Variants in LUC7L3 observed in about 807,000 individuals in gnomAD.
LUC7L3 encodes the protein luc7-like protein 3.
A neutral mutation model predicts 66.8 loss-of-function variants in LUC7L3; 6 were observed. The ratio of observed to expected loss-of-function variants is 0.09; its 90% CI spans 0.05 to 0.18. The LOEUF is 0.18. LUC7L3 is among the 10% of genes least tolerant of loss of function. The pLI is 1.00. For missense variants in LUC7L3, 341 were observed against 531.1 expected, an observed-to-expected ratio of 0.64 and a Z score of 3.52; for synonymous variants, 160 against 174.7, an observed-to-expected ratio of 0.92 and a Z score of 0.66.
At chr17:50,733,695 CAGTAAT>C (rs1320198960) in intron 1 of LUC7L3, among the ~76,000 whole-genome samples, 1 of 152,152 alleles carries the variant, frequency 6.6e-6, no homozygotes, top group Admixed American at 6.5e-5. Context: ...AGCCAGTTCA[CAGTAAT>C]AGTAAGACTT....
chr17:50,729,899 TA>T (rs1969454865), intron 1 of LUC7L3, among the ~76,000 whole-genome samples: 652 of 14,184 alleles, frequency 0.046, 20 homozygotes, highest in Non-Finnish European at 0.077. Context: ...AAATACATTA[TA>T]TATATATATA....
chr17:50,736,565 G>C, intron 1 of LUC7L3: 1 of 180,778 alleles, frequency 5.5e-6, no homozygotes, highest in South Asian at 1.1e-4. Context: ...CTGTGATTTA[G>C]ATGGTTATTT....
chr17:50,733,375 G>T (rs1969755099), intron 1 of LUC7L3, among the ~76,000 whole-genome samples: 1 of 148,146 alleles, frequency 6.8e-6, no homozygotes. Context: ...GGGACTACAG[G>T]CACCTGCCAC....
chr17:50,737,219 A>G, intron 2 of LUC7L3, 193 bp downstream of exon 2: 2 of 646,886 alleles, frequency 3.1e-6, no homozygotes, highest in Non-Finnish European at 5.6e-6. Context: ...ATGGTGGCTT[A>G]ATTAAACATA....
chr17:50,740,813 G>C (rs984491263), intron 3 of LUC7L3, among the ~76,000 whole-genome samples: 3 of 152,134 alleles, frequency 2.0e-5, no homozygotes, highest in Non-Finnish European at 4.4e-5. Context: ...ACCCACCTCG[G>C]CCTCCCAAAG....
chr17:50,740,176 A>G, intron 2 of LUC7L3, 130 bp from the exon 3 acceptor site: 1 of 674,682 alleles, frequency 1.5e-6, no homozygotes, highest in Non-Finnish European at 2.6e-6. Flanking sequence ...ATCAGTTTAG[A>G]TGTCTACAAA....
intron 1 of LUC7L3, among the ~76,000 whole-genome samples, chr17:50,731,978 C>G (rs941183824): frequency 6.6e-6 from 1 of 152,086 alleles, no homozygotes; most frequent in African/African-American, 2.4e-5. Flanking sequence ...GTAATAGGGA[C>G]CTACGAACAG....
rs140480960 is a variant in LUC7L3 at position 50,747,907 on chromosome 17, A to T, written c.1138+1205A>T. 9.0e-3 allele frequency among the ~76,000 whole-genome samples: 1,376 copies of T among 152,366 alleles called. 13 individuals are homozygous for T. The highest frequency in any genetic ancestry group is 0.022 in the South Asian group (104 of 4,830). On this transcript the variant is annotated intron_variant, in intron 9 of 9. Coordinates refer to ENST00000505658, the MANE Select transcript of LUC7L3 (RefSeq NM_016424.5). ...CTGATTCAAAAGGCAGTTGCTACAA[A>T]GGGTTAACTGATTTAACATTAGATT... is the stretch of plus-strand genomic sequence containing the variant.
At chr17:50,734,835 A>G (rs1200183725) in intron 1 of LUC7L3, among the ~76,000 whole-genome samples, 1 of 152,246 alleles carries the variant, frequency 6.6e-6, no homozygotes, top group East Asian at 1.9e-4. Flanking sequence ...AAAACAATAA[A>G]ATGAGTCTTT....
intron 1 of LUC7L3, among the ~76,000 whole-genome samples, chr17:50,720,845 G>A (rs1968700327): frequency 1.3e-5 from 2 of 152,210 alleles, no homozygotes; most frequent in Non-Finnish European, 2.9e-5. Context: ...AAAGCAAGTT[G>A]GTGCTAGATG....
At chr17:50,735,962 G>C (rs1969960220) in intron 1 of LUC7L3, among the ~76,000 whole-genome samples, 1 of 152,184 alleles carries the variant, frequency 6.6e-6, no homozygotes. Flanking sequence ...GTGAAACCCT[G>C]TCTGTACTAA....
intron 2 of LUC7L3, among the ~76,000 whole-genome samples, chr17:50,739,979 G>C (rs144374715): frequency 0.016 from 2,391 of 152,198 alleles, 59 homozygotes; most frequent in African/African-American, 0.054. Context: ...TCAGTTCAGT[G>C]GTCTGTCCCC....
intron 1 of LUC7L3, among the ~76,000 whole-genome samples, chr17:50,724,611 TTGTGTGTGTGTGTGTGTGTGTG>T (rs58361696): frequency 6.8e-6 from 1 of 147,170 alleles, no homozygotes; most frequent in Non-Finnish European, 1.5e-5. Context: ...TTTAGGAAAA[TTGTGTGTGTGTGTGTGTGTGTG>T]TGTGTGTGTG....
chr17:50,720,693 C>A (rs1164636174), intron 1 of LUC7L3, among the ~76,000 whole-genome samples: 1 of 152,220 alleles, frequency 6.6e-6, no homozygotes, highest in Non-Finnish European at 1.5e-5. Context: ...AGGTTATAAT[C>A]TAACATGCTA....
rs1045039707 is a variant in LUC7L3, at chr17:50,753,748, A to G, written c.*3087A>G. The G allele has an allele frequency of 1.3e-5, 2 of 152,176 alleles. No homozygotes were observed. Among genetic ancestry groups the G allele is most frequent in the African/African-American group, 4.8e-5 (2 of 41,432 alleles). 9.4% of individuals were successfully genotyped at this position (152,176 alleles called of 1,614,324 possible). On this transcript the variant is annotated 3_prime_UTR_variant, in exon 10 of 10. Coordinates refer to ENST00000505658, the MANE Select transcript of LUC7L3 (RefSeq NM_016424.5). ...AGTTTTTAAACCATATTCTGTCCCT[A>G]AGTAATAAAAAATCTAGGAAGTTAC... is the stretch of plus-strand genomic sequence containing the variant.
At chr17:50,742,017 A>G (rs778272036) in intron 5 of LUC7L3, among the ~76,000 whole-genome samples, 2 of 152,182 alleles carry the variant, frequency 1.3e-5, no homozygotes, top group Non-Finnish European at 2.9e-5. Flanking sequence ...GCGAGGCTGT[A>G]GTTAGACGTG....
In LUC7L3 at chr17:50,719,825, C is replaced by G; in HGVS notation, c.93C>G (p.His31Gln). The G allele has an allele frequency of 6.3e-7, 1 of 1,596,964 alleles. No individual in the cohort carries two copies. Among genetic ancestry groups the G allele is most frequent in the Non-Finnish European group, 8.5e-7 (1 of 1,175,038 alleles). Residue 31 changes from histidine (H) to glutamine (Q), a missense_variant, in exon 1 of 10, where the codon CAC becomes CAG. His to Gln is a conservative substitution (Grantham distance 24, BLOSUM62 0). Coordinates refer to ENST00000505658, the MANE Select transcript of LUC7L3 (RefSeq NM_016424.5). The stretch of plus-strand genomic sequence containing the variant: ...AGCGCAGCAACGTGCGGTGGGACCA[C>G]GAGAGCGTAAGTCCCGCGGGCCTTG... ...DEKRSNVRWD[H>Q]ESVCKYYLCG...
intron 1 of LUC7L3, among the ~76,000 whole-genome samples, chr17:50,733,264 G>A (rs555216592): frequency 3.1e-3 from 421 of 136,628 alleles, no homozygotes; most frequent in Non-Finnish European, 5.3e-3. Context: ...TTTTTTTTGA[G>A]ACAGAGTCTC....
intron 1 of LUC7L3, chr17:50,723,807 T>G: frequency 2.9e-6 from 1 of 342,422 alleles, no homozygotes; most frequent in African/African-American, 2.2e-5. Flanking sequence ...CGGCTAATTT[T>G]TGTATTTTTA....
Sources: allele counts gnomAD v4.1 joint callset (sites outside exome capture counted in the v4.1 genomes callset), GRCh38; gene constraint gnomAD v4.1.1; transcripts MANE v1.5; gene names NCBI Gene and HGNC (gene_info 2026-07-23, HGNC 2026-07-21).